COL24A1: variants seen among roughly 807,000 people sequenced by gnomAD.
COL24A1 encodes collagen alpha-1(XXIV) chain.
In COL24A1, 224 loss-of-function variants were observed where a neutral mutation model predicts 253.9. That is an observed-to-expected ratio of 0.88 (90% confidence interval 0.79 to 0.99). The LOEUF (loss-of-function observed/expected upper bound fraction) is 0.99, where lower values mean the gene tolerates loss of function less well. Among genes scored for constraint, COL24A1 ranks in the 50% least tolerant of loss-of-function variants. The pLI, the probability that COL24A1 is intolerant of heterozygous loss-of-function variation, is 0.00. For synonymous variants in COL24A1, 685 were observed against 673.7 expected (o/e 1.02, Z -0.26); for missense variants, 2,131 against 2,068.5 (o/e 1.03, Z -0.59).
At chr1:86,074,184 C>T (rs1256643514) in intron 7 of COL24A1, among the ~76,000 whole-genome samples, 1 of 152,138 alleles carries the variant, frequency 6.6e-6, no homozygotes, top group Non-Finnish European at 1.5e-5. Context: ...GATAAAGAGT[C>T]AAGACCCATC....
At chr1:85,882,946 G>A (rs758643937) in intron 32 of COL24A1, among the ~76,000 whole-genome samples, 5 of 152,020 alleles carry the variant, frequency 3.3e-5, no homozygotes, top group Non-Finnish European at 5.9e-5. Context: ...CGTTAGCATG[G>A]TATACTTTCC....
rs1237626734 is a variant in COL24A1, at chr1:85,742,648, C to T, written c.4672+2018G>A. ...ATATATCCAAAATTTTACTCCTGAT[C>T]TTATCTCCAAAATTGCATCTCCTGT... On this transcript the variant is annotated intron_variant, in intron 57 of 59. Coordinates refer to ENST00000370571, the MANE Select transcript of COL24A1 (RefSeq NM_152890.7). Among the ~76,000 whole-genome samples, 12 of 152,038 alleles carry T rather than the reference C, an allele frequency of 7.9e-5. 1 individual carries two copies.
intron 55 of COL24A1, among the ~76,000 whole-genome samples, chr1:85,754,649 T>A (rs1666016005): frequency 6.9e-6 from 1 of 144,148 alleles, no homozygotes; most frequent in Non-Finnish European, 1.5e-5. Context: ...AAGAACCAAA[T>A]AGAAATTCTG....
At chr1:85,834,075 C>T (rs1675705051) in intron 43 of COL24A1, among the ~76,000 whole-genome samples, 1 of 151,512 alleles carries the variant, frequency 6.6e-6, no homozygotes, top group African/African-American at 2.4e-5. Context: ...ATGTAACAAA[C>T]CTGTACATTG....
At chr1:86,014,520 A>G (rs568141250) in intron 19 of COL24A1, among the ~76,000 whole-genome samples, 1 of 152,140 alleles carries the variant, frequency 6.6e-6, no homozygotes, top group African/African-American at 2.4e-5. Context: ...TATTAGACTA[A>G]TTTTCTATTT....
intron 2 of COL24A1, among the ~76,000 whole-genome samples, chr1:86,127,577 C>A (rs1177347871): frequency 6.6e-6 from 1 of 152,014 alleles, no homozygotes; most frequent in Non-Finnish European, 1.5e-5. Context: ...TAGTCAGCTG[C>A]ATGATCTTTA....
At position 85,838,551 on chromosome 1, in the gene COL24A1, A is replaced by G. The variant is rs746645540; in HGVS notation, c.3681+34T>C. On this transcript the variant is annotated intron_variant, in intron 43 of 59. Transcript: ENST00000370571. The stretch of plus-strand genomic sequence containing the variant: ...AATAGAAACACAGAGAACCCTATTT[A>G]AATTCATTAGTAAGGGGTATAACTT... The G allele has an allele frequency of 5.7e-6, 9 of 1,581,150 alleles. No individual in the cohort carries two copies. The South Asian group carries it at 1.0e-4, about 18-fold the overall frequency.
At chr1:85,884,962 A>G (rs1045674509) in intron 32 of COL24A1, among the ~76,000 whole-genome samples, 5 of 152,120 alleles carry the variant, frequency 3.3e-5, no homozygotes, top group Non-Finnish European at 7.4e-5. Flanking sequence ...AAGCTGGTCT[A>G]CACTGAGTCT....
At chr1:85,984,154 G>T (rs1205461392) in intron 20 of COL24A1, among the ~76,000 whole-genome samples, 1 of 151,856 alleles carries the variant, frequency 6.6e-6, no homozygotes, top group African/African-American at 2.4e-5. Context: ...AAATAGGTCA[G>T]TTGGCTTTCT....
intron 24 of COL24A1, among the ~76,000 whole-genome samples, chr1:85,927,287 G>A (rs1687396377): frequency 1.3e-5 from 2 of 152,190 alleles, no homozygotes; most frequent in African/African-American, 2.4e-5. Context: ...AGGAGTCAGG[G>A]AGTTCCCTTT....
intron 28 of COL24A1, among the ~76,000 whole-genome samples, chr1:85,900,399 G>A (rs1233874038): frequency 6.6e-6 from 1 of 152,138 alleles, no homozygotes; most frequent in East Asian, 1.9e-4. Flanking sequence ...AACATTTTGG[G>A]AAGCTGAGGA....
chr1:85,794,447 T>G (rs1377974722), intron 47 of COL24A1, among the ~76,000 whole-genome samples: 1 of 152,170 alleles, frequency 6.6e-6, no homozygotes, highest in East Asian at 1.9e-4. Context: ...AACTGTAAAC[T>G]AGCAACTTCA....
At chr1:86,056,099 T>C (rs543145749) in intron 10 of COL24A1, among the ~76,000 whole-genome samples, 28 of 139,558 alleles carry the variant, frequency 2.0e-4, no homozygotes, top group African/African-American at 7.6e-4. Context: ...GCCTGGGCCA[T>C]AGAGTGAGAC....
At position 85,812,909 on chromosome 1, in the gene COL24A1, T is replaced by C. The variant is rs541978577; in HGVS notation, c.3951+3879A>G. ...AACCTGCCAAACGTAGAGGCCAACA[T>C]TGAGCTCCCAACAAGGCAATGCTCC... On this transcript the variant is annotated intron_variant, in intron 47 of 59. Transcript: ENST00000370571. 5.3e-4 allele frequency among the ~76,000 whole-genome samples: 80 copies of C among 152,258 alleles called. 1 individual carries two copies. The South Asian group carries it at 0.013, about 24-fold the overall frequency.
intron 42 of COL24A1, among the ~76,000 whole-genome samples, chr1:85,839,367 T>C (rs1676364244): frequency 6.6e-6 from 1 of 152,170 alleles, no homozygotes; most frequent in Non-Finnish European, 1.5e-5. Flanking sequence ...CAAAAGATTA[T>C]ATTTAAGTGA....
At chr1:85,904,880 TCC>T (rs1684658304) in intron 28 of COL24A1, among the ~76,000 whole-genome samples, 1 of 152,142 alleles carries the variant, frequency 6.6e-6, no homozygotes, top group Admixed American at 6.6e-5. Flanking sequence ...TCTAGAATCC[TCC>T]ATGGTATTAA....
In COL24A1 at chr1:86,063,383, T is replaced by TG. The variant is rs1376429091; in HGVS notation, c.1752+331_1752+332insC. 2.2e-3 allele frequency among the ~76,000 whole-genome samples: 316 copies of TG among 144,462 alleles called. 1 individual carries two copies. Among genetic ancestry groups the TG allele is most frequent in the African/African-American group, 5.1e-3 (203 of 39,572 alleles). 94.8% of individuals were successfully genotyped at this position (144,462 alleles called of 152,430 possible). ...TCTGTGTGTGTGTGTGTGTGTGTGT[T>TG]TGTATGTGTATGGATATGTATATTT... On this transcript the variant is annotated intron_variant, in intron 8 of 59. Coordinates refer to ENST00000370571, the MANE Select transcript of COL24A1 (RefSeq NM_152890.7).
At position 85,868,838 on chromosome 1, in the gene COL24A1, A is replaced by C; in HGVS notation, c.3139-3T>G. 6.3e-7 allele frequency: 1 copy of C among 1,581,828 alleles called. No homozygotes were observed. Among genetic ancestry groups the C allele is most frequent in the Non-Finnish European group, 8.6e-7 (1 of 1,165,460 alleles). ...TCTCCAGGAGCTCCTGGTTCACCCT[A>C]TTTTGTAGCAGAAAGAGTATGATTG... On this transcript the variant is annotated splice_region_variant and splice_polypyrimidine_tract_variant and intron_variant, in intron 35 of 59. Coordinates refer to ENST00000370571, the MANE Select transcript of COL24A1 (RefSeq NM_152890.7).
chr1:85,909,149 G>A (rs1014877116), intron 26 of COL24A1, among the ~76,000 whole-genome samples: 6 of 151,800 alleles, frequency 4.0e-5, no homozygotes, highest in Admixed American at 6.6e-5. Flanking sequence ...CAAAAAATGC[G>A]TTAGGAGGTA....
Sources: gnomAD v4.1 joint callset for allele counts (sites outside exome capture counted in the v4.1 genomes callset) on GRCh38, gnomAD v4.1.1 for gene constraint, MANE v1.5 for transcripts, NCBI Gene and HGNC (gene_info 2026-07-23, HGNC 2026-07-21) for gene names.